KNDC1: variants seen among roughly 807,000 people sequenced by gnomAD.
The protein encoded by KNDC1 is kinase non-catalytic C-lobe domain containing 1.
KNDC1 carries 106 observed loss-of-function variants against 172.8 expected under a neutral mutation model. The ratio of observed to expected loss-of-function variants is 0.61; its 90% confidence interval spans 0.52 to 0.72. The LOEUF (loss-of-function observed/expected upper bound fraction) is 0.72. Ranked by LOEUF, KNDC1 falls within the 30% of genes least tolerant of loss-of-function variation. KNDC1 has a pLI of 0.00. For synonymous variants in KNDC1, 1,083 were observed against 1,062.2 expected, an observed-to-expected ratio of 1.02 and a Z score of -0.38; for missense variants, 2,325 against 2,394.5, an observed-to-expected ratio of 0.97 and a Z score of 0.61.
At chr10:133,201,370 C>T (rs909243912) in intron 16 of KNDC1, 131 bp from the exon 17 acceptor site, 19 of 992,340 alleles carry the variant, frequency 1.9e-5, no homozygotes, top group African/African-American at 8.2e-5. Context: ...GCCCGGGGGG[C>T]GCCCGTGGTG....
At chr10:133,171,982 T>A (rs1853390501) in intron 3 of KNDC1, among the ~76,000 whole-genome samples, 1 of 152,254 alleles carries the variant, frequency 6.6e-6, no homozygotes, top group Non-Finnish European at 1.5e-5. Context: ...ATATTTCTAA[T>A]AACTTACAGA....
chr10:133,169,886 G>A (rs181424006), intron 3 of KNDC1, among the ~76,000 whole-genome samples: 18 of 152,202 alleles, frequency 1.2e-4, no homozygotes, highest in African/African-American at 2.2e-4. Context: ...GGCCGTGCCC[G>A]GTCCCCCTAC....
At chr10:133,187,202 G>A (rs550420523) in intron 6 of KNDC1, among the ~76,000 whole-genome samples, 95 of 152,348 alleles carry the variant, frequency 6.2e-4, no homozygotes, top group Non-Finnish European at 1.0e-3. Flanking sequence ...GATCTGGTGC[G>A]GCTGCCCGGA....
At chr10:133,167,279 G>A (rs1022446449) in intron 1 of KNDC1, 102 bp from the exon 2 acceptor site, 24 of 1,163,104 alleles carry the variant, frequency 2.1e-5, no homozygotes, top group East Asian at 1.3e-4. Context: ...GCGTTGAAAC[G>A]CTGCCACGAG....
intron 29 of KNDC1, among the ~76,000 whole-genome samples, chr10:133,223,602 TGTGA>T (rs1158321771): frequency 5.3e-5 from 4 of 75,438 alleles, no homozygotes; most frequent in Admixed American, 2.6e-4. Context: ...TGTGTGTGTG[TGTGA>T]GAGCCCATCC....
rs146194475 is a variant in KNDC1 at position 133,178,377 on chromosome 10, A to G, written c.361-4967A>G. On this transcript the variant is annotated intron_variant, in intron 3 of 29. Transcript: ENST00000304613. The stretch of plus-strand genomic sequence containing the variant: ...ATGTTCATGACAAAACATTTTAAAC[A>G]TACAGAAAAGAGAGTAAGAACAGCA... 5.2e-3 allele frequency among the ~76,000 whole-genome samples: 795 copies of G among 152,288 alleles called. 12 individuals are homozygous for G. The highest frequency in any genetic ancestry group is 0.018 in the African/African-American group (751 of 41,528).
chr10:133,218,728 A>G, intron 26 of KNDC1, 103 bp from the exon 27 acceptor site: 5 of 1,422,190 alleles, frequency 3.5e-6, no homozygotes, highest in Non-Finnish European at 3.8e-6. Flanking sequence ...GATGCAGCAC[A>G]CGCTCTTGTG....
chr10:133,165,155 T>C (rs1336006373), intron 1 of KNDC1, among the ~76,000 whole-genome samples: 1 of 152,194 alleles, frequency 6.6e-6, no homozygotes, highest in Non-Finnish European at 1.5e-5. Flanking sequence ...ATCCTATCCC[T>C]GAGGGGAGGC....
rs750449833 is a variant in KNDC1, at chr10:133,186,040, G to A, written c.692G>A (p.Gly231Glu). The A allele has an allele frequency of 6.3e-7, 1 of 1,598,308 alleles. No individual in the cohort carries two copies. Among genetic ancestry groups the A allele is most frequent in the Non-Finnish European group, 8.5e-7 (1 of 1,174,072 alleles). ...PGNAGPRRPP[G>E]DPSTDPEVLP... The stretch of plus-strand genomic sequence containing the variant: ...AACGCTGGGCCCAGGAGGCCGCCCG[G>A]GGACCCCAGCACTGACCCGGAGGTT... The change falls in exon 6 of 30, where the codon GGG becomes GAG. Residue 231 changes from glycine (G) to glutamate (E), a missense_variant. Physicochemically the swap from Gly to Glu is moderately conservative, Grantham distance 98 (BLOSUM62 -2). Coordinates refer to ENST00000304613, the MANE Select transcript of KNDC1 (RefSeq NM_152643.8).
intron 3 of KNDC1, among the ~76,000 whole-genome samples, chr10:133,169,915 G>A (rs893721224): frequency 6.6e-6 from 1 of 152,234 alleles, no homozygotes; most frequent in Non-Finnish European, 1.5e-5. Flanking sequence ...TCCCCCGTGG[G>A]ACTCGCATTC....
At chr10:133,185,051 G>A (rs960589699) in intron 5 of KNDC1, among the ~76,000 whole-genome samples, 5 of 152,298 alleles carry the variant, frequency 3.3e-5, no homozygotes, top group African/African-American at 1.2e-4. Flanking sequence ...TGGGGCCTCA[G>A]GACGGTAGCC....
At chr10:133,196,518 C>T (rs890471598) in intron 10 of KNDC1, among the ~76,000 whole-genome samples, 3 of 152,104 alleles carry the variant, frequency 2.0e-5, no homozygotes, top group Non-Finnish European at 4.4e-5. Context: ...TGGGTCCAGC[C>T]GTCTCCGCCT....
chr10:133,187,739 G>C (rs987374307), intron 6 of KNDC1, among the ~76,000 whole-genome samples: 2 of 152,212 alleles, frequency 1.3e-5, no homozygotes, highest in African/African-American at 4.8e-5. Context: ...ACGCATGCCT[G>C]GTGTCACGGT....
rs141331658 is a variant in KNDC1, at chr10:133,219,173, C to A, written c.4860+83C>A. 17 of 1,479,686 alleles carry A rather than the reference C, an allele frequency of 1.1e-5. No individual in the cohort carries two copies. The African/African-American group carries it at 1.8e-4, about 16-fold the overall frequency. 91.7% of individuals were successfully genotyped at this position (1,479,686 alleles called of 1,614,324 possible). A position where few individuals can be genotyped will look rare whatever the true frequency, so the allele number is the denominator to read the frequency against. On this transcript the variant is annotated intron_variant, in intron 28 of 29. Transcript: ENST00000304613. ...AACTGCTGTGCAGAGCCTGCCGCAC[C>A]CAGACGCAGGCACCACAGAGTGTGT...
intron 26 of KNDC1, among the ~76,000 whole-genome samples, chr10:133,216,888 G>C (rs1429463259): frequency 6.6e-6 from 1 of 152,240 alleles, no homozygotes; most frequent in African/African-American, 2.4e-5. Context: ...GCAGCACGAT[G>C]AACCTCGAGG....
At chr10:133,169,236 A>G (rs1054464199) in intron 3 of KNDC1, among the ~76,000 whole-genome samples, 1 of 152,156 alleles carries the variant, frequency 6.6e-6, no homozygotes, top group Non-Finnish European at 1.5e-5. Context: ...TGAGGCGGGC[A>G]GATCGCTTGA....
intron 7 of KNDC1, 67 bp from the exon 8 acceptor site, chr10:133,189,531 C>A: frequency 6.7e-7 from 1 of 1,503,156 alleles, no homozygotes; most frequent in Non-Finnish European, 9.1e-7. Context: ...TCCGCAGCTC[C>A]TTCCCCCCAG....
intron 6 of KNDC1, among the ~76,000 whole-genome samples, chr10:133,187,277 G>A (rs1380973188): frequency 1.3e-5 from 2 of 152,248 alleles, no homozygotes; most frequent in East Asian, 1.9e-4. Context: ...TGCTCCTCAC[G>A]AGGGATGGAG....
At chr10:133,170,318 G>A (rs7079431) in intron 3 of KNDC1, among the ~76,000 whole-genome samples, 5,933 of 152,214 alleles carry the variant, frequency 0.039, 359 homozygotes, top group African/African-American at 0.13. Context: ...TGTGAGGATC[G>A]CTGGCTCCTG....
Sources: gnomAD v4.1 joint callset for allele counts (sites outside exome capture counted in the v4.1 genomes callset) on GRCh38, gnomAD v4.1.1 for gene constraint, MANE v1.5 for transcripts, NCBI Gene and HGNC (gene_info 2026-07-23, HGNC 2026-07-21) for gene names.